Variants in CFAP57 observed in about 807,000 individuals in gnomAD.
CFAP57 encodes cilia- and flagella-associated protein 57.
A neutral mutation model predicts 146.8 loss-of-function variants in CFAP57; 116 were observed. That is an observed-to-expected ratio of 0.79 (90% CI 0.68 to 0.92). The LOEUF is 0.92. CFAP57 is among the 40% of genes least tolerant of loss of function. CFAP57 has a pLI of 0.00. For synonymous variants in CFAP57, 518 were observed against 552.8 expected (o/e 0.94, Z 0.88); for missense variants, 1,377 against 1,527.2 (o/e 0.90, Z 1.64).
chr1:43,221,985 G>C (rs1645064112), intron 14 of CFAP57, 120 bp from the exon 15 acceptor site: 3 of 824,718 alleles, frequency 3.6e-6, no homozygotes, highest in Non-Finnish European at 5.2e-6. Context: ...TTGAATCTTG[G>C]CTCTGGAGGC....
chr1:43,230,220 C>T (rs1039477030), intron 18 of CFAP57, among the ~76,000 whole-genome samples: 1 of 152,216 alleles, frequency 6.6e-6, no homozygotes, highest in Non-Finnish European at 1.5e-5. Context: ...GAGAATGAGG[C>T]ACTCAGACAT....
At position 43,253,021 on chromosome 1, in the gene CFAP57, A is replaced by G. The variant is rs528853401; in HGVS notation, c.3539-956A>G. 7.2e-5 allele frequency among the ~76,000 whole-genome samples: 11 copies of G among 152,306 alleles called. 1 individual carries two copies. In the East Asian group the frequency reaches 1.9e-3, roughly 27 times the overall value. On this transcript the variant is annotated intron_variant, in intron 22 of 22. Transcript: ENST00000372492. ...AATGAGGAGAGGCAACATTACAATAAGGTACAGCCAAGAGTTTTTCCAGAA... is the reference window on the plus strand; with the variant it reads ...AATGAGGAGAGGCAACATTACAATAGGGTACAGCCAAGAGTTTTTCCAGAA...
intron 12 of CFAP57, among the ~76,000 whole-genome samples, chr1:43,218,850 A>G (rs1267221905): frequency 1.3e-5 from 2 of 152,192 alleles, no homozygotes; most frequent in Non-Finnish European, 2.9e-5. Context: ...TTCAATAAAT[A>G]TCTTCTGAGA....
chr1:43,193,403 T>G (rs1044267741), intron 6 of CFAP57, among the ~76,000 whole-genome samples: 1 of 152,128 alleles, frequency 6.6e-6, no homozygotes, highest in African/African-American at 2.4e-5. Context: ...TTTGTGTGTG[T>G]GTATCATGGG....
chr1:43,243,603 A>G (rs770349303), intron 22 of CFAP57, among the ~76,000 whole-genome samples: 1 of 151,984 alleles, frequency 6.6e-6, no homozygotes, highest in Non-Finnish European at 1.5e-5. Context: ...CAGAATGCAG[A>G]CTCTTTTAGA....
chr1:43,196,098 A>T (rs548864917), intron 6 of CFAP57, among the ~76,000 whole-genome samples: 3 of 152,378 alleles, frequency 2.0e-5, no homozygotes, highest in Admixed American at 1.3e-4. Flanking sequence ...ATGTGAATTT[A>T]TTGAAAAAAT....
intron 3 of CFAP57, among the ~76,000 whole-genome samples, chr1:43,183,151 A>G (rs1367173589): frequency 6.6e-6 from 1 of 152,228 alleles, no homozygotes; most frequent in East Asian, 1.9e-4. Context: ...TTGTAAGTAG[A>G]GGAGCAGGTG....
chr1:43,243,993 C>CT (rs1646023123), intron 22 of CFAP57, among the ~76,000 whole-genome samples: 2 of 152,084 alleles, frequency 1.3e-5, no homozygotes, highest in Non-Finnish European at 2.9e-5. Context: ...CAAAAGGGAG[C>CT]TTTTTTTCTG....
intron 1 of CFAP57, 77 bp from the exon 2 acceptor site, chr1:43,172,658 G>GGGCGTGTCCGGGCCGGGGGC: frequency 1.4e-6 from 2 of 1,437,906 alleles, no homozygotes; most frequent in Non-Finnish European, 1.9e-6. Context: ...AGGGCGGGGA[G>GGGCGTGTCCGGGCCGGGGGC]GGCGAGTCCG....
chr1:43,246,477 A>G (rs1383237602), intron 22 of CFAP57, among the ~76,000 whole-genome samples: 1 of 152,244 alleles, frequency 6.6e-6, no homozygotes, highest in African/African-American at 2.4e-5. Flanking sequence ...ATACACATAC[A>G]AAAGAATTAA....
chr1:43,181,071 T>C lies in CFAP57; in HGVS notation c.158-463T>C, dbSNP rs1487760700. Among the ~76,000 whole-genome samples, 3 of 151,962 alleles carry C rather than the reference T, an allele frequency of 2.0e-5. No individual in the cohort carries two copies. The East Asian group carries it at 5.8e-4, about 29-fold the overall frequency. On this transcript the variant is annotated intron_variant, in intron 2 of 22. Coordinates refer to ENST00000372492, the MANE Select transcript of CFAP57 (RefSeq NM_001378189.1). ...CTCCCACCTCATCCTCCAAGGTGCC[T>C]GCCCTAGTCATTTTCTTTTGGGGAC...
chr1:43,240,935 T>C (rs894019043), intron 21 of CFAP57, among the ~76,000 whole-genome samples: 12 of 152,064 alleles, frequency 7.9e-5, no homozygotes, highest in Non-Finnish European at 1.6e-4. Context: ...CCTGGGTTCA[T>C]GCCATTCTCC....
Position 43,197,624 on chromosome 1 carries a change from C to T in CFAP57, c.1194C>T (p.Cys398=). Residue 398 remains cysteine, a synonymous_variant, in exon 7 of 23, where the codon TGC becomes TGT. Transcript: ENST00000372492. ...HSAPITGLAT[C]IRKPLIATCS... ...CACCCATCACCGGTCTAGCTACCTGCATCCGCAAACCCCTTATAGCCACCT... is the reference window on the plus strand; with the variant it reads ...CACCCATCACCGGTCTAGCTACCTGTATCCGCAAACCCCTTATAGCCACCT... 6.2e-7 allele frequency: 1 copy of T among 1,614,158 alleles called. No individual in the cohort carries two copies. Among genetic ancestry groups the T allele is most frequent in the Non-Finnish European group, 8.5e-7 (1 of 1,180,052 alleles).
intron 21 of CFAP57, among the ~76,000 whole-genome samples, chr1:43,240,115 A>G (rs1645853308): frequency 1.3e-5 from 2 of 152,206 alleles, no homozygotes; most frequent in Non-Finnish European, 2.9e-5. Context: ...CGGGAAACCT[A>G]TCACTGTTAT....
chr1:43,190,313 C>T (rs1032267886), intron 6 of CFAP57, among the ~76,000 whole-genome samples: 17 of 137,084 alleles, frequency 1.2e-4, no homozygotes, highest in Non-Finnish European at 2.0e-4. Flanking sequence ...CTCTGTCACC[C>T]AGGCTGGAGG....
intron 6 of CFAP57, among the ~76,000 whole-genome samples, chr1:43,195,474 T>C (rs1643815161): frequency 6.7e-6 from 1 of 150,336 alleles, no homozygotes; most frequent in African/African-American, 2.5e-5. Context: ...TGAGCCGAGA[T>C]CACGCCACTG....
intron 17 of CFAP57, among the ~76,000 whole-genome samples, chr1:43,226,609 ACAAGT>A (rs1468149057): frequency 6.6e-6 from 1 of 152,258 alleles, no homozygotes; most frequent in Non-Finnish European, 1.5e-5. Context: ...CGAACAAGTC[ACAAGT>A]CAAGGCAAAT....
intron 22 of CFAP57, among the ~76,000 whole-genome samples, chr1:43,245,493 C>G (rs1459810104): frequency 1.3e-5 from 2 of 152,062 alleles, no homozygotes; most frequent in African/African-American, 4.8e-5. Flanking sequence ...CCTGGGACCC[C>G]AGTCCCCTAC....
intron 2 of CFAP57, among the ~76,000 whole-genome samples, chr1:43,178,470 C>T (rs1645255482): frequency 6.6e-6 from 1 of 152,228 alleles, no homozygotes; most frequent in Admixed American, 6.5e-5. Flanking sequence ...AAAAAGTGGG[C>T]AAAGGATATG....
Sources: allele counts gnomAD v4.1 joint callset (sites outside exome capture counted in the v4.1 genomes callset), GRCh38; gene constraint gnomAD v4.1.1; transcripts MANE v1.5; gene names NCBI Gene and HGNC (gene_info 2026-07-23, HGNC 2026-07-21).